USP9X: variants seen among roughly 807,000 people sequenced by gnomAD.
USP9X encodes ubiquitin carboxyl-terminal hydrolase 9X.
USP9X carries 7 observed loss-of-function variants against 190.3 expected under a neutral mutation model. The ratio of observed to expected loss-of-function variants is 0.04; its 90% CI spans 0.02 to 0.07. The LOEUF (loss-of-function observed/expected upper bound fraction) is 0.07, where lower values mean the gene tolerates loss of function less well. Ranked by LOEUF, USP9X falls within the 10% of genes least tolerant of loss-of-function variation. The probability of loss-of-function intolerance (pLI) is 1.00; values close to 1 mark genes in which losing one functional copy is unlikely to be tolerated. For missense variants in USP9X, 1,010 were observed against 1,916.9 expected, an observed-to-expected ratio of 0.53 and a Z score of 8.83; for synonymous variants, 645 against 659.5, an observed-to-expected ratio of 0.98 and a Z score of 0.34.
intron 12 of USP9X, among the ~76,000 whole-genome samples, chrX:41,149,759 A>G (rs753722925): frequency 2.4e-4 from 26 of 109,356 alleles, no homozygotes; most frequent in Non-Finnish European, 4.6e-4. Flanking sequence ...GCTGGAGTAC[A>G]GTGGCGCAAT....
intron 14 of USP9X, among the ~76,000 whole-genome samples, chrX:41,155,312 C>G (rs2062567362): frequency 8.9e-6 from 1 of 112,088 alleles, no homozygotes; most frequent in Non-Finnish European, 1.9e-5. Flanking sequence ...GTTCTCACTA[C>G]AAGTGTTTTC....
Position 41,140,712 on chromosome X carries a change from G to C in USP9X, c.711G>C (p.Leu237Phe). The C allele has an allele frequency of 3.3e-6, 4 of 1,207,335 alleles. No individual in the cohort carries two copies. Among genetic ancestry groups the C allele is most frequent in the Non-Finnish European group, 4.5e-6 (4 of 893,975 alleles). Residue 237 changes from leucine to phenylalanine, a missense_variant, in exon 7 of 45, where the codon TTG (leucine) becomes TTC (phenylalanine). Coordinates refer to ENST00000378308, the MANE Select transcript of USP9X (RefSeq NM_001039591.3). ...GCACTTTAAATGGGTTCCAGATTTTGCATGATCGTTTTATTAATGGATCAG... is the reference window on the plus strand; with the variant it reads ...GCACTTTAAATGGGTTCCAGATTTTCCATGATCGTTTTATTAATGGATCAG... Reference protein sequence around the residue: ...KFGTLNGFQILHDRFINGSAL... With the variant: ...KFGTLNGFQIFHDRFINGSAL...
intron 1 of USP9X, among the ~76,000 whole-genome samples, chrX:41,094,540 T>C (rs1487102543): frequency 3.6e-5 from 4 of 110,901 alleles, no homozygotes; most frequent in African/African-American, 1.3e-4. Flanking sequence ...TGAGGATTGC[T>C]TTGTTATCCT....
chrX:41,149,795 C>T (rs1468574927), intron 12 of USP9X, among the ~76,000 whole-genome samples: 3 of 109,894 alleles, frequency 2.7e-5, no homozygotes, highest in Non-Finnish European at 5.7e-5. Context: ...CCTCCGCCTC[C>T]CAGGTTCAAG....
At chrX:41,167,456 G>A (rs1473810636) in intron 16 of USP9X, 26 bp from the exon 17 acceptor site, 1 of 1,154,336 alleles carries the variant, frequency 8.7e-7, no homozygotes, top group East Asian at 3.0e-5. Flanking sequence ...TGAAAGGGAT[G>A]AATACTTTTA....
chrX:41,126,744 T>C (rs1285142051), intron 2 of USP9X, among the ~76,000 whole-genome samples: 1 of 111,792 alleles, frequency 8.9e-6, no homozygotes, highest in African/African-American at 3.2e-5. Flanking sequence ...CTTTTTAATG[T>C]TAGGATTTTA....
intron 31 of USP9X, 91 bp from the exon 32 acceptor site, chrX:41,205,212 A>G: frequency 1.5e-6 from 1 of 686,914 alleles, no homozygotes; most frequent in Admixed American, 4.0e-5. Context: ...GCATAATAGG[A>G]ATACAAATCA....
At chrX:41,174,243 C>T (rs781468727) in intron 21 of USP9X, among the ~76,000 whole-genome samples, 1 of 111,865 alleles carries the variant, frequency 8.9e-6, no homozygotes, top group Admixed American at 9.4e-5. Flanking sequence ...ATAATTTATA[C>T]AGGAAGATGT....
intron 1 of USP9X, among the ~76,000 whole-genome samples, chrX:41,109,857 G>A (rs1357956427): frequency 9.0e-6 from 1 of 111,675 alleles, no homozygotes; most frequent in African/African-American, 3.3e-5. Flanking sequence ...GAATGATAAA[G>A]TCTGTGCAAA....
Position 41,230,509 on chromosome X carries a change from T to A in USP9X, c.7440T>A (p.Asp2480Glu). 3 of 1,210,077 alleles carry A rather than the reference T, an allele frequency of 2.5e-6. No individual in the cohort carries two copies. Among genetic ancestry groups the A allele is most frequent in the Non-Finnish European group, 3.4e-6 (3 of 894,609 alleles). Residue 2480 changes from aspartate to glutamate, a missense_variant, in exon 44 of 45, where the codon GAT (aspartate) becomes GAA (glutamate). Physicochemically the swap from Asp to Glu is conservative, Grantham distance 45. Coordinates refer to ENST00000378308, the MANE Select transcript of USP9X (RefSeq NM_001039591.3). Reference protein sequence around the residue: ...ACELCPEEEPDDQDAPDEHES... With the variant: ...ACELCPEEEPEDQDAPDEHES... ...GAAATATTCAAAATTAGGAGCCAGA[T>A]GACCAAGATGCTCCAGATGAACATG...
intron 1 of USP9X, among the ~76,000 whole-genome samples, chrX:41,108,786 C>T (rs1313488187): frequency 9.0e-6 from 1 of 111,410 alleles, no homozygotes; most frequent in Admixed American, 9.6e-5. Context: ...ATTGGCTTTG[C>T]CTGCCATGGA....
At chrX:41,126,313 G>A (rs1333628599) in intron 2 of USP9X, among the ~76,000 whole-genome samples, 1 of 111,861 alleles carries the variant, frequency 8.9e-6, no homozygotes, top group Non-Finnish European at 1.9e-5. Context: ...ACCTTCCTGT[G>A]ACATAAATTT....
At chrX:41,210,984 T>G (rs2063152408) in intron 33 of USP9X, among the ~76,000 whole-genome samples, 1 of 110,961 alleles carries the variant, frequency 9.0e-6, no homozygotes, top group Non-Finnish European at 1.9e-5. Context: ...CCTTTCTCTT[T>G]TTTTTTCTTT....
In USP9X at chrX:41,137,777, C is replaced by G. The variant is rs542762908; in HGVS notation, c.654+755C>G. The stretch of plus-strand genomic sequence containing the variant: ...TATTTCCTAGTTCATATAGTTGCCA[C>G]TAGATGGCTTATTTTTGCTTGAGTA... On this transcript the variant is annotated intron_variant, in intron 6 of 44. Coordinates refer to ENST00000378308, the MANE Select transcript of USP9X (RefSeq NM_001039591.3). 1.6e-3 allele frequency among the ~76,000 whole-genome samples: 181 copies of G among 111,293 alleles called. 5 individuals carry two copies. The South Asian group carries it at 0.065, about 40-fold the overall frequency.
chrX:41,148,584 G>A lies in USP9X; in HGVS notation c.1626+9G>A. On this transcript the variant is annotated intron_variant, in intron 12 of 44. Transcript: ENST00000378308. ...ATTACAGTTGCTCCCAGGTAAGAGT[G>A]TACTGCTTTGCTCACTTTTTGTGAC... The A allele has an allele frequency of 2.5e-6, 3 of 1,205,804 alleles. No individual in the cohort carries two copies. The highest frequency in any genetic ancestry group is 3.4e-6 in the Non-Finnish European group (3 of 891,062).
chrX:41,228,875 TGGGAGG>T (rs1464978676), intron 41 of USP9X: 1 of 115,280 alleles, frequency 8.7e-6, no homozygotes, highest in Admixed American at 9.1e-5. Flanking sequence ...CCCAGCACTT[TGGGAGG>T]CCGAGGCAGG....
intron 1 of USP9X, among the ~76,000 whole-genome samples, chrX:41,121,856 T>G (rs765546930): frequency 9.0e-6 from 1 of 111,694 alleles, no homozygotes; most frequent in South Asian, 3.7e-4. Flanking sequence ...GGGCTACTGA[T>G]CTAATGAATA....
chrX:41,170,996 A>G (rs1384100888), intron 20 of USP9X, among the ~76,000 whole-genome samples: 1 of 111,843 alleles, frequency 8.9e-6, no homozygotes, highest in Non-Finnish European at 1.9e-5. Flanking sequence ...CCAGATATAC[A>G]AAAAGTTAGC....
chrX:41,113,626 A>G (rs1451395564), intron 1 of USP9X, among the ~76,000 whole-genome samples: 1 of 112,421 alleles, frequency 8.9e-6, no homozygotes, highest in Non-Finnish European at 1.9e-5. Flanking sequence ...ATAATTTTAA[A>G]TCAGTATATA....
Sources: allele counts gnomAD v4.1 joint callset (sites outside exome capture counted in the v4.1 genomes callset), GRCh38; gene constraint gnomAD v4.1.1; transcripts MANE v1.5; gene names NCBI Gene and HGNC (gene_info 2026-07-23, HGNC 2026-07-21).